TRPM4: variants seen among roughly 807,000 people sequenced by gnomAD.
TRPM4 encodes the protein transient receptor potential cation channel subfamily M member 4.
TRPM4 carries 124 observed loss-of-function variants against 135.6 expected under a neutral mutation model. That is an observed-to-expected ratio of 0.91 (90% CI 0.79 to 1.06). TRPM4 has a LOEUF of 1.06. Among genes scored for constraint, TRPM4 ranks in the 50% least tolerant of loss-of-function variants. The pLI is 0.00. For synonymous variants in TRPM4, 745 were observed against 705.6 expected (o/e 1.06, Z -0.88); for missense variants, 1,658 against 1,671.4 (o/e 0.99, Z 0.14).
intron 16 of TRPM4, among the ~76,000 whole-genome samples, chr19:49,193,131 A>C: frequency 7.2e-6 from 1 of 138,024 alleles, no homozygotes; most frequent in East Asian, 2.2e-4. Flanking sequence ...CCCAGGCTGG[A>C]GTGCAGTGGC....
Position 49,183,174 on chromosome 19 carries a change from C to A in TRPM4, c.1705C>A (p.Leu569Met). The part of the protein sequence containing the change: ...WSDLLLWALL[L>M]NRAQMAMYFW... ...CGACCTGCTTCTTTGGGCACTGTTG[C>A]TGAACAGGGCACAGATGGCCATGTA... Residue 569 changes from leucine to methionine, a missense_variant, in exon 12 of 25, where the codon CTG becomes ATG. Around this residue, in one of 3 missense-constraint regions of TRPM4, gnomAD observed 1,412 missense variants for 1,408.7 expected, o/e 1.00. Coordinates refer to ENST00000252826, the MANE Select transcript of TRPM4 (RefSeq NM_017636.4). 2.5e-6 allele frequency: 4 copies of A among 1,614,146 alleles called. No individual in the cohort carries two copies. The highest frequency in any genetic ancestry group is 3.4e-6 in the Non-Finnish European group (4 of 1,180,038).
At chr19:49,182,423 TCTAC>T (rs1692952881) in intron 10 of TRPM4, 151 bp from the exon 11 acceptor site, 2 of 694,064 alleles carry the variant, frequency 2.9e-6, no homozygotes, top group East Asian at 5.6e-5. Context: ...CATCCATCCA[TCTAC>T]CTATCCATTC....
Position 49,171,873 on chromosome 19 carries a change from T to A in TRPM4, c.1050+104T>A. ...GGGGCTGGGGGCCTGGACTTCCAGG[T>A]TCCGGGAGAAGAGGGTGCTGGGCAT... On this transcript the variant is annotated intron_variant, in intron 8 of 24. Transcript: ENST00000252826. This position sits in a 1 kb window ranked among gnomAD's most constrained non-coding sequence, Gnocchi z 4.7. The A allele has an allele frequency of 7.0e-7, 1 of 1,427,666 alleles. No homozygotes were observed. The highest frequency in any genetic ancestry group is 9.8e-7 in the Non-Finnish European group (1 of 1,024,268). The allele number at this position is 1,427,666 out of a possible 1,614,324, so 88.4% of individuals were successfully genotyped here.
At chr19:49,181,787 C>T (rs1419019252) in intron 10 of TRPM4, among the ~76,000 whole-genome samples, 2 of 152,006 alleles carry the variant, frequency 1.3e-5, no homozygotes, top group African/African-American at 4.8e-5. Context: ...CCGCCTCAGG[C>T]TCCCAAAGTG....
At chr19:49,203,027 A>T (rs1388483181) in intron 20 of TRPM4, among the ~76,000 whole-genome samples, 1 of 151,524 alleles carries the variant, frequency 6.6e-6, no homozygotes, top group Non-Finnish European at 1.5e-5. Context: ...AGTAGCTGGG[A>T]CTACAGGTGC....
Position 49,203,327 on chromosome 19 carries a change from G to C in TRPM4, c.3131+1186G>C, listed in dbSNP as rs960644776. 7.2e-5 allele frequency among the ~76,000 whole-genome samples: 11 copies of C among 151,778 alleles called. No individual in the cohort carries two copies. In the East Asian group the frequency reaches 9.7e-4, roughly 13 times the overall value. ...CCCAAGTAGCTAGGACTACAGGCGT[G>C]CGCCACCACACCTGGCTAATTTTTT... On this transcript the variant is annotated intron_variant, in intron 20 of 24. Coordinates refer to ENST00000252826, the MANE Select transcript of TRPM4 (RefSeq NM_017636.4).
rs145117227 is a variant in TRPM4, at chr19:49,195,428, T to A, written c.2211-1012T>A. ...CTCTCGTTGCCCAGGCTGGAGTCAA[T>A]GGCGCGACCTCAGTTCACCACAACC... On this transcript the variant is annotated intron_variant, in intron 16 of 24. Coordinates refer to ENST00000252826, the MANE Select transcript of TRPM4 (RefSeq NM_017636.4). 2.6e-5 allele frequency among the ~76,000 whole-genome samples: 4 copies of A among 152,262 alleles called. No individual in the cohort carries two copies. The East Asian group carries it at 7.7e-4, about 29-fold the overall frequency.
chr19:49,177,776 T>C (rs1196409294), intron 9 of TRPM4, among the ~76,000 whole-genome samples: 1 of 152,196 alleles, frequency 6.6e-6, no homozygotes, highest in South Asian at 2.1e-4. Context: ...GAAAAATGGC[T>C]TGCCCAGGGT....
rs1173852684 is a variant in TRPM4, at chr19:49,201,978, C to T, written c.2968C>T (p.His990Tyr). Residue 990 changes from histidine (H) to tyrosine (Y), a missense_variant, in exon 20 of 25, where the codon CAC (histidine) becomes TAC (tyrosine). Around this residue, in one of 3 missense-constraint regions of TRPM4, gnomAD observed 1,412 missense variants for 1,408.7 expected, o/e 1.00. Coordinates refer to ENST00000252826, the MANE Select transcript of TRPM4 (RefSeq NM_017636.4). ...QEDMDVALME[H>Y]SNCSSEPGFW... ...TCTCTTCACAGTGGCCCTCATGGAG[C>T]ACAGCAACTGCTCGTCGGAGCCCGG... The T allele has an allele frequency of 1.2e-6, 2 of 1,613,662 alleles. No individual in the cohort carries two copies. The highest frequency in any genetic ancestry group is 2.7e-5 in the African/African-American group (2 of 74,940).
chr19:49,194,019 A>C (rs1377102071), intron 16 of TRPM4, among the ~76,000 whole-genome samples: 702 of 66,294 alleles, frequency 0.011, no homozygotes, highest in Middle Eastern at 0.029. Context: ...CCTCCTCCTC[A>C]TCCTCCTCCT....
At chr19:49,168,851 T>A (rs1473001096) in intron 6 of TRPM4, 115 bp downstream of exon 6, 2 of 1,117,864 alleles carry the variant, frequency 1.8e-6, no homozygotes, top group Non-Finnish European at 2.6e-6. Flanking sequence ...TGGTTAAGTG[T>A]CTTTCCCCGT....
intron 16 of TRPM4, among the ~76,000 whole-genome samples, chr19:49,195,757 G>A (rs1348615087): frequency 6.7e-6 from 1 of 149,812 alleles, no homozygotes; most frequent in Non-Finnish European, 1.5e-5. Context: ...GTTCATGGCT[G>A]ACTGCAGCCT....
intron 19 of TRPM4, among the ~76,000 whole-genome samples, chr19:49,201,550 GT>G (rs1264868739): frequency 6.6e-6 from 1 of 152,190 alleles, no homozygotes; most frequent in Non-Finnish European, 1.5e-5. Context: ...TCTAAGAGAA[GT>G]TACTATTTAT....
Position 49,211,670 on chromosome 19 carries a change from G to A in TRPM4, c.*172G>A, listed in dbSNP as rs1969376260. The stretch of plus-strand genomic sequence containing the variant: ...GGGAGTGTCATCCTTACAAACCACA[G>A]CATGCCCGGCTCCTCCCAGAACCAG... On this transcript the variant is annotated 3_prime_UTR_variant, in exon 25 of 25. Coordinates refer to ENST00000252826, the MANE Select transcript of TRPM4 (RefSeq NM_017636.4). The surrounding 1 kb of genome is among the most constrained non-coding windows in gnomAD (Gnocchi z 4.8). The A allele has an allele frequency of 1.2e-6, 1 of 832,424 alleles. No homozygotes were observed. Among genetic ancestry groups the A allele is most frequent in the Non-Finnish European group, 2.0e-6 (1 of 496,758 alleles). The allele number at this position is 832,424 out of a possible 1,614,324, so 51.6% of individuals were successfully genotyped here. A position where few individuals can be genotyped will look rare whatever the true frequency, so the allele number is the denominator to read the frequency against.
At chr19:49,159,635 A>G (rs1259088884) in intron 2 of TRPM4, 1 of 151,858 alleles carries the variant, frequency 6.6e-6, no homozygotes, top group African/African-American at 2.4e-5. Flanking sequence ...GGTGCCTACC[A>G]CCATGCCCAG....
intron 4 of TRPM4, 49 bp from the exon 5 acceptor site, chr19:49,168,211 T>C: frequency 6.2e-7 from 1 of 1,612,700 alleles, no homozygotes; most frequent in Non-Finnish European, 8.5e-7. Flanking sequence ...TCTGTCTTAT[T>C]CTTTGTTTCT....
At chr19:49,195,640 G>A (rs915963869) in intron 16 of TRPM4, among the ~76,000 whole-genome samples, 3 of 151,374 alleles carry the variant, frequency 2.0e-5, no homozygotes, top group African/African-American at 7.3e-5. Context: ...CAAATGCTGG[G>A]ATTACAAGCG....
intron 20 of TRPM4, among the ~76,000 whole-genome samples, chr19:49,204,134 A>C (rs1046387001): frequency 1.3e-5 from 2 of 152,034 alleles, no homozygotes; most frequent in African/African-American, 4.8e-5. Context: ...AAAGAAGACC[A>C]CATTTGATTT....
chr19:49,189,226 C>T, intron 14 of TRPM4, 135 bp downstream of exon 14: 1 of 1,333,566 alleles, frequency 7.5e-7, no homozygotes, highest in South Asian at 1.2e-5. Context: ...GAAAGTCTCT[C>T]TTCTCTCTCA....
Sources: allele counts gnomAD v4.1 joint callset (sites outside exome capture counted in the v4.1 genomes callset), GRCh38; gene constraint gnomAD v4.1.1; regional missense constraint gnomAD v4.1.1; non-coding constraint Gnocchi (gnomAD v3.1); transcripts MANE v1.5; gene names NCBI Gene and HGNC (gene_info 2026-07-23, HGNC 2026-07-21).